Variants in TMEM131 observed in about 807,000 individuals in gnomAD.
TMEM131 encodes the protein transmembrane protein 131.
In TMEM131, 66 loss-of-function variants were observed where a neutral mutation model predicts 211.6. That is an observed-to-expected ratio of 0.31 (90% CI 0.26 to 0.38). TMEM131 has a LOEUF of 0.38. TMEM131 is among the 10% of genes least tolerant of loss of function. TMEM131 has a pLI of 1.00. For synonymous variants in TMEM131, 844 were observed against 841.3 expected, an observed-to-expected ratio of 1.00 and a Z score of -0.06; for missense variants, 2,036 against 2,299.3, an observed-to-expected ratio of 0.89 and a Z score of 2.34.
intron 11 of TMEM131, among the ~76,000 whole-genome samples, chr2:97,832,215 T>G (rs1163988536): frequency 1.3e-5 from 2 of 152,196 alleles, no homozygotes; most frequent in Admixed American, 6.5e-5. Flanking sequence ...CCTATTTAAT[T>G]CCATGTCATA....
At chr2:97,887,773 A>C (rs528632292) in intron 4 of TMEM131, 3 of 317,622 alleles carry the variant, frequency 9.4e-6, no homozygotes, top group African/African-American at 6.4e-5. Context: ...TAATCAAAAC[A>C]GCTAACTATA....
rs1038957232 is a variant in TMEM131, at chr2:97,898,250, TTCTA to T, written c.291-10134_291-10131del. 2.4e-4 allele frequency among the ~76,000 whole-genome samples: 36 copies of T among 152,186 alleles called. 1 individual carries two copies. Among genetic ancestry groups the T allele is most frequent in the African/African-American group, 7.2e-4 (30 of 41,466 alleles). On this transcript the variant is annotated intron_variant, in intron 3 of 40. Transcript: ENST00000186436. ...TAAATTGTTCATTATAAAATTTTTC[TTCTA>T]TCTGATATAAACTTTTAAAGCTATA...
At chr2:97,884,614 A>G (rs1675066732) in intron 4 of TMEM131, among the ~76,000 whole-genome samples, 1 of 152,160 alleles carries the variant, frequency 6.6e-6, no homozygotes, top group Non-Finnish European at 1.5e-5. Flanking sequence ...TGCTAGGTGC[A>G]TATATATTTC....
intron 4 of TMEM131, among the ~76,000 whole-genome samples, chr2:97,878,928 C>G (rs1461256725): frequency 6.6e-6 from 1 of 152,196 alleles, no homozygotes. Flanking sequence ...TTTCTCACAT[C>G]TGCCTACCAT....
chr2:97,943,023 A>T (rs1170078384), intron 1 of TMEM131, among the ~76,000 whole-genome samples: 1 of 45,816 alleles, frequency 2.2e-5, no homozygotes, highest in Non-Finnish European at 4.5e-5. Context: ...AAAGAAAAGA[A>T]AAGAAAAGAA....
At position 97,797,535 on chromosome 2, in the gene TMEM131, C is replaced by G; in HGVS notation, c.2719-19G>C. 2 of 1,596,964 alleles carry G rather than the reference C, an allele frequency of 1.3e-6. No individual in the cohort carries two copies. Among genetic ancestry groups the G allele is most frequent in the Non-Finnish European group, 1.7e-6 (2 of 1,172,218 alleles). ...GATGAGCCTTGAATCATTGGGTAAA[C>G]AGAGAGGAGTCATGAATATATTCTC... On this transcript the variant is annotated intron_variant, in intron 25 of 40. Coordinates refer to ENST00000186436, the MANE Select transcript of TMEM131 (RefSeq NM_015348.2).
chr2:97,958,437 T>A (rs1678670199), intron 1 of TMEM131, among the ~76,000 whole-genome samples: 2 of 152,098 alleles, frequency 1.3e-5, no homozygotes, highest in South Asian at 4.1e-4. Context: ...AGTAGAACAG[T>A]AACAAACCCT....
intron 11 of TMEM131, among the ~76,000 whole-genome samples, chr2:97,832,656 G>A (rs1441198634): frequency 2.0e-5 from 3 of 152,130 alleles, no homozygotes; most frequent in Non-Finnish European, 4.4e-5. Context: ...TCTGGCATCA[G>A]CACAAATTAT....
At chr2:97,834,279 C>T (rs1367760903) in intron 10 of TMEM131, among the ~76,000 whole-genome samples, 3 of 152,140 alleles carry the variant, frequency 2.0e-5, no homozygotes, top group Non-Finnish European at 4.4e-5. Flanking sequence ...CATATCTAAA[C>T]AAAATCCAGA....
At chr2:97,822,850 C>A (rs1336165240) in intron 11 of TMEM131, among the ~76,000 whole-genome samples, 1 of 152,124 alleles carries the variant, frequency 6.6e-6, no homozygotes, top group Non-Finnish European at 1.5e-5. Context: ...CAGGCTCACC[C>A]TTGAAATGCA....
intron 4 of TMEM131, among the ~76,000 whole-genome samples, chr2:97,860,991 G>T (rs1047003731): frequency 6.6e-6 from 1 of 152,046 alleles, no homozygotes; most frequent in Non-Finnish European, 1.5e-5. Flanking sequence ...CTTGGGAGAG[G>T]GACAGTGCAG....
At chr2:97,810,580 T>G in intron 18 of TMEM131, among the ~76,000 whole-genome samples, 1 of 152,210 alleles carries the variant, frequency 6.6e-6, no homozygotes, top group East Asian at 1.9e-4. Flanking sequence ...TAAAAACATT[T>G]AGGTCTGGCA....
At position 97,850,472 on chromosome 2, in the gene TMEM131, T is replaced by C. The variant is rs1673575998; in HGVS notation, c.484-6211A>G. On this transcript the variant is annotated intron_variant, in intron 5 of 40. Transcript: ENST00000186436. Reference sequence around the variant, plus strand: ...ACAATTTAATGTTTCCTTGGTAGTGTTGAGACCACCAGTGCCATCCTCTCT... The same window carrying C: ...ACAATTTAATGTTTCCTTGGTAGTGCTGAGACCACCAGTGCCATCCTCTCT... Among the ~76,000 whole-genome samples, 2 of 152,298 alleles carry C rather than the reference T, an allele frequency of 1.3e-5. 1 individual carries two copies. The highest frequency in any genetic ancestry group is 3.9e-4 in the East Asian group (2 of 5,178).
At chr2:97,968,329 A>G (rs1467711870) in intron 1 of TMEM131, among the ~76,000 whole-genome samples, 3 of 152,148 alleles carry the variant, frequency 2.0e-5, no homozygotes, top group Non-Finnish European at 4.4e-5. Context: ...TATTATGTAT[A>G]TCTCAATGTG....
At chr2:97,820,214 C>G (rs1036284296) in intron 11 of TMEM131, among the ~76,000 whole-genome samples, 1 of 152,198 alleles carries the variant, frequency 6.6e-6, no homozygotes, top group Admixed American at 6.5e-5. Context: ...TTTTGGATCT[C>G]TAGCTGGGGC....
At position 97,921,072 on chromosome 2, in the gene TMEM131, G is replaced by T. The variant is rs958576082; in HGVS notation, c.249+6354C>A. Among the ~76,000 whole-genome samples, 57 of 151,478 alleles carry T rather than the reference G, an allele frequency of 3.8e-4. 1 individual carries two copies. Among genetic ancestry groups the T allele is most frequent in the Non-Finnish European group, 1.0e-4 (7 of 67,924 alleles). ...AGAATAACCAAGACATTACTGAGAAGAATAACAAAGTGTCAGGATTTGTTC... is the reference window on the plus strand; with the variant it reads ...AGAATAACCAAGACATTACTGAGAATAATAACAAAGTGTCAGGATTTGTTC... On this transcript the variant is annotated intron_variant, in intron 2 of 40. Coordinates refer to ENST00000186436, the MANE Select transcript of TMEM131 (RefSeq NM_015348.2).
intron 3 of TMEM131, among the ~76,000 whole-genome samples, chr2:97,892,795 T>C (rs183405118): frequency 6.5e-4 from 99 of 152,346 alleles, no homozygotes; most frequent in South Asian, 1.2e-3. Flanking sequence ...CTATTTATTA[T>C]TGTCTGTTTT....
At chr2:97,864,030 A>T (rs1171113056) in intron 4 of TMEM131, among the ~76,000 whole-genome samples, 1 of 152,262 alleles carries the variant, frequency 6.6e-6, no homozygotes, top group African/African-American at 2.4e-5. Flanking sequence ...TACACGATGG[A>T]GTACTATTCA....
Position 97,804,451 on chromosome 2 carries a change from T to A in TMEM131, c.2402+637A>T, listed in dbSNP as rs1681191797. The stretch of plus-strand genomic sequence containing the variant: ...AGGCTGAGGTGGGTGGATCACGAGG[T>A]CAAGAGATGGAGACCATCCTGGCCA... On this transcript the variant is annotated intron_variant, in intron 22 of 40. Coordinates refer to ENST00000186436, the MANE Select transcript of TMEM131 (RefSeq NM_015348.2). Among the ~76,000 whole-genome samples, 4 of 151,620 alleles carry A rather than the reference T, an allele frequency of 2.6e-5. No homozygotes were observed. In the South Asian group the frequency reaches 8.3e-4, roughly 32 times the overall value.
Sources: allele counts gnomAD v4.1 joint callset (sites outside exome capture counted in the v4.1 genomes callset), GRCh38; gene constraint gnomAD v4.1.1; transcripts MANE v1.5; gene names NCBI Gene and HGNC (gene_info 2026-07-23, HGNC 2026-07-21).